SPEG: variants seen among roughly 807,000 people sequenced by gnomAD.
SPEG encodes striated muscle preferentially expressed protein kinase.
SPEG carries 114 observed loss-of-function variants against 300.4 expected under a neutral mutation model. The ratio of observed to expected loss-of-function variants is 0.38; its 90% CI spans 0.33 to 0.44. SPEG has a LOEUF of 0.44. Ranked by LOEUF, SPEG falls within the 20% of genes least tolerant of loss-of-function variation. The pLI, the probability that SPEG is intolerant of heterozygous loss-of-function variation, is 1.00. For synonymous variants in SPEG, 1,964 were observed against 2,018.9 expected (o/e 0.97, Z 0.73); for missense variants, 4,201 against 4,586.2 (o/e 0.92, Z 2.43).
In SPEG at chr2:219,490,382, GGTGGTGTCCCTCC is replaced by G. The variant is rs1693854509; in HGVS notation, c.8922-26_8922-14del. 1 of 1,599,596 alleles carries G rather than the reference GGTGGTGTCCCTCC, an allele frequency of 6.3e-7. No individual in the cohort carries two copies. The highest frequency in any genetic ancestry group is 8.5e-7 in the Non-Finnish European group (1 of 1,172,706). ...GTGTCCCCCTCCTCTCCTCTGAGCC[GGTGGTGTCCCTCC>G]CCCCGACACACAGGGGCCGCTTTGG... is the stretch of plus-strand genomic sequence containing the variant. On this transcript the variant is annotated splice_polypyrimidine_tract_variant and intron_variant, in intron 36 of 40. Transcript: ENST00000312358.
At position 219,464,299 on chromosome 2, in the gene SPEG, G is replaced by A. The variant is rs1344170921; in HGVS notation, c.2706-134G>A. ...AGCCCTGGAAACCAGGGATGCCCAC[G>A]GTCAGTGGGACAGATCTGGGGACTG... On this transcript the variant is annotated intron_variant, in intron 8 of 40. Coordinates refer to ENST00000312358, the MANE Select transcript of SPEG (RefSeq NM_005876.5). The surrounding 1 kb of genome is among the most constrained non-coding windows in gnomAD (Gnocchi z 4.5). 6 of 974,052 alleles carry A rather than the reference G, an allele frequency of 6.2e-6. No homozygotes were observed. The highest frequency in any genetic ancestry group is 1.6e-5 in the African/African-American group (1 of 60,994). 60.3% of individuals were successfully genotyped at this position (974,052 alleles called of 1,614,324 possible).
In SPEG at chr2:219,469,361, G is replaced by A. The variant is rs757414863; in HGVS notation, c.3697G>A (p.Asp1233Asn). The A allele has an allele frequency of 1.7e-5, 28 of 1,613,400 alleles. No homozygotes were observed. The highest frequency in any genetic ancestry group is 7.7e-5 in the South Asian group (7 of 91,042). Residue 1233 changes from aspartate (D) to asparagine (N), a missense_variant, in exon 13 of 41, where the codon GAC becomes AAC. This residue lies in a region of SPEG where 1,047 missense variants were observed against 1,356.8 expected (regional missense o/e 0.77). Coordinates refer to ENST00000312358, the MANE Select transcript of SPEG (RefSeq NM_005876.5). ...HNGHRIQSSDDRRMTQYRDVH... is the reference protein window; with the variant it reads ...HNGHRIQSSDNRRMTQYRDVH... ...TGGCCACCGCATCCAGAGCAGCGACGACCGGCGCATGACACAGTGTACGTG... is the reference window on the plus strand; with the variant it reads ...TGGCCACCGCATCCAGAGCAGCGACAACCGGCGCATGACACAGTGTACGTG...
Position 219,480,828 on chromosome 2 carries a change from T to C in SPEG, c.5369+131T>C, listed in dbSNP as rs1162514774. 3 of 873,782 alleles carry C rather than the reference T, an allele frequency of 3.4e-6. No individual in the cohort carries two copies. Among genetic ancestry groups the C allele is most frequent in the East Asian group, 5.0e-5 (2 of 40,170 alleles). The allele number at this position is 873,782 out of a possible 1,614,324, so 54.1% of individuals were successfully genotyped here. ...TGCACTGCAAGGAGCCTCATGTGCA[T>C]GAAGGTGGACACCCCTGTCTGCATG... On this transcript the variant is annotated intron_variant, in intron 26 of 40. Transcript: ENST00000312358. This position sits in a 1 kb window ranked among gnomAD's most constrained non-coding sequence, Gnocchi z 5.3.
chr2:219,483,722 C>T lies in SPEG; in HGVS notation c.6259C>T (p.Leu2087Phe), dbSNP rs1481137059. The change falls in exon 30 of 41, where the codon CTC (leucine) becomes TTC (phenylalanine). Residue 2087 changes from leucine to phenylalanine, a missense_variant. By Grantham distance (22) the Leu-to-Phe change is conservative (BLOSUM62 0). Coordinates refer to ENST00000312358, the MANE Select transcript of SPEG (RefSeq NM_005876.5). Reference protein sequence around the residue: ...GGPEDGKVSGLRGPLLESLGG... With the variant: ...GGPEDGKVSGFRGPLLESLGG... ...CCCCGAGGATGGCAAGGTCAGCGGC[C>T]TCAGGGGTCCCCTGCTGGAGAGCCT... 1 of 1,535,632 alleles carries T rather than the reference C, an allele frequency of 6.5e-7. No individual in the cohort carries two copies. The highest frequency in any genetic ancestry group is 8.7e-7 in the Non-Finnish European group (1 of 1,147,474).
At chr2:219,492,373 T>G in intron 40 of SPEG, 113 bp downstream of exon 40, 1 of 1,277,030 alleles carries the variant, frequency 7.8e-7, no homozygotes. Context: ...CTGCTTCTAC[T>G]AAATGGTCAT....
In SPEG at chr2:219,493,190, G is replaced by A. The variant is rs541026667; in HGVS notation, c.*404G>A. The A allele has an allele frequency of 2.5e-6, 1 of 396,624 alleles. No homozygotes were observed. Among genetic ancestry groups the A allele is most frequent in the Admixed American group, 3.4e-5 (1 of 29,646 alleles). 24.6% of individuals were successfully genotyped at this position (396,624 alleles called of 1,614,324 possible). A position where few individuals can be genotyped will look rare whatever the true frequency, so the allele number is the denominator to read the frequency against. ...GAGGAGGAAAAGGAAGGAGCCCCAGGTGTCAGGGCAGTAGGCTGGGAGTCA... is the reference window on the plus strand; with the variant it reads ...GAGGAGGAAAAGGAAGGAGCCCCAGATGTCAGGGCAGTAGGCTGGGAGTCA... On this transcript the variant is annotated 3_prime_UTR_variant, in exon 41 of 41. Transcript: ENST00000312358.
In SPEG at chr2:219,477,361, G is replaced by C. The variant is rs774499373; in HGVS notation, c.4645G>C (p.Ala1549Pro). 6.2e-7 allele frequency: 1 copy of C among 1,613,186 alleles called. No homozygotes were observed. The highest frequency in any genetic ancestry group is 1.7e-5 in the Admixed American group (1 of 59,876). The change falls in exon 20 of 41, where the codon GCC becomes CCC. Residue 1549 changes from alanine (A) to proline (P), a missense_variant. Around this residue, in one of 4 missense-constraint regions of SPEG, gnomAD observed 1,047 missense variants for 1,356.8 expected, o/e 0.77. Coordinates refer to ENST00000312358, the MANE Select transcript of SPEG (RefSeq NM_005876.5). This position sits in a 1 kb window ranked among gnomAD's most constrained non-coding sequence, Gnocchi z 6.4. ...ECSLVVLSTGAQDGGVYTCTA... is the reference protein window; with the variant it reads ...ECSLVVLSTGPQDGGVYTCTA... ...CTCCCTGGTGGTGCTCAGCACGGGG[G>C]CCCAGGATGGAGGCGTCTACACCTG...
At chr2:219,491,710 C>G in intron 38 of SPEG, 84 bp from the exon 39 acceptor site, 1 of 1,043,692 alleles carries the variant, frequency 9.6e-7, no homozygotes. Context: ...CATTGTCCTG[C>G]TGCTCAAGCA....
rs773971293 is a variant in SPEG, at chr2:219,479,104, A to C, written c.5028-40A>C. On this transcript the variant is annotated intron_variant, in intron 22 of 40. Coordinates refer to ENST00000312358, the MANE Select transcript of SPEG (RefSeq NM_005876.5). This position sits in a 1 kb window ranked among gnomAD's most constrained non-coding sequence, Gnocchi z 5.5. ...CCCTGAGCGCTGGGCTGGGCCGGGC[A>C]GTTGGCACTGGGCACTGTTCTCCTT... The C allele has an allele frequency of 2.5e-6, 4 of 1,597,774 alleles. No individual in the cohort carries two copies. The African/African-American group carries it at 5.4e-5, about 21-fold the overall frequency.
Position 219,436,175 on chromosome 2 carries a change from C to T in SPEG, c.388+810C>T, listed in dbSNP as rs187587513. Among the ~76,000 whole-genome samples the T allele has an allele frequency of 8.1e-4, 124 of 152,320 alleles. 1 individual carries two copies. The East Asian group carries it at 0.021, about 26-fold the overall frequency. ...ATGCTATGGACCAGTGCTTGTCCCC[C>T]GCCCATAGATTTCCAGGTGCAGTGT... On this transcript the variant is annotated intron_variant, in intron 1 of 40. Coordinates refer to ENST00000312358, the MANE Select transcript of SPEG (RefSeq NM_005876.5).
intron 30 of SPEG, 100 bp downstream of exon 30, chr2:219,485,172 G>A: frequency 6.7e-7 from 1 of 1,485,348 alleles, no homozygotes; most frequent in Non-Finnish European, 9.1e-7. Flanking sequence ...CCCACCAGGG[G>A]CAGGCTGAGG....
At chr2:219,466,074 G>A in intron 9 of SPEG, 1 of 1,602,426 alleles carries the variant, frequency 6.2e-7, no homozygotes, top group South Asian at 1.1e-5. Context: ...AGCTCAGGGG[G>A]CCACCTGTGC....
Position 219,473,845 on chromosome 2 carries a change from C to G in SPEG, c.4389C>G (p.Thr1463=). The change falls in exon 18 of 41, where the codon ACC becomes ACG. Residue 1463 remains threonine, a synonymous_variant. Coordinates refer to ENST00000312358, the MANE Select transcript of SPEG (RefSeq NM_005876.5). This position sits in a 1 kb window ranked among gnomAD's most constrained non-coding sequence, Gnocchi z 4.6. ...GCCGCCGGGACATGGGGGCCCTCAC[C>G]TGCACCGCCCGAAACCGTCACGGCA... The part of the protein sequence containing the change: ...RVSRRDMGAL[T]CTARNRHGTQ... 6.2e-7 allele frequency: 1 copy of G among 1,613,736 alleles called. No individual in the cohort carries two copies.
At chr2:219,463,947 C>T (rs1025281772) in intron 8 of SPEG, among the ~76,000 whole-genome samples, 1 of 151,840 alleles carries the variant, frequency 6.6e-6, no homozygotes, top group African/African-American at 2.4e-5. Flanking sequence ...CATGGTGAAA[C>T]CCTGTATCTA....
At chr2:219,478,238 C>T in intron 22 of SPEG, 133 bp downstream of exon 22, 1 of 762,536 alleles carries the variant, frequency 1.3e-6, no homozygotes, top group Non-Finnish European at 2.1e-6. Flanking sequence ...CATCTGGAGA[C>T]TTCTATGAAA....
intron 6 of SPEG, chr2:219,460,209 G>A (rs886772370): frequency 4.2e-6 from 3 of 716,146 alleles, no homozygotes; most frequent in Admixed American, 6.3e-5. Context: ...TCCATGGCAG[G>A]GATGAGGGGG....
rs762804568 is a variant in SPEG at position 219,462,035 on chromosome 2, C to G, written c.2594C>G (p.Ser865Cys). Residue 865 changes from serine to cysteine, a missense_variant, in exon 7 of 41, where the codon TCC (serine) becomes TGC (cysteine). By Grantham distance (112) the Ser-to-Cys change is moderately radical. Around this residue, in one of 4 missense-constraint regions of SPEG, gnomAD observed 1,258 missense variants for 1,293.9 expected, o/e 0.97. Coordinates refer to ENST00000312358, the MANE Select transcript of SPEG (RefSeq NM_005876.5). Reference sequence around the variant, plus strand: ...AACCGCCGTTCTTCTGACACTGGCTCCAAGGCACCCCCCACCTTCAAGGTC... The same window carrying G: ...AACCGCCGTTCTTCTGACACTGGCTGCAAGGCACCCCCCACCTTCAAGGTC... ...SQNRRSSDTG[S>C]KAPPTFKVSL... The G allele has an allele frequency of 4.4e-6, 7 of 1,607,424 alleles. No individual in the cohort carries two copies. Among genetic ancestry groups the G allele is most frequent in the African/African-American group, 1.3e-5 (1 of 74,438 alleles).
chr2:219,448,600 C>A lies in SPEG; in HGVS notation c.1442C>A (p.Thr481Lys). The A allele has an allele frequency of 6.9e-7, 1 of 1,459,444 alleles. No individual in the cohort carries two copies. Among genetic ancestry groups the A allele is most frequent in the South Asian group, 1.3e-5 (1 of 75,226 alleles). The allele number at this position is 1,459,444 out of a possible 1,614,324, so 90.4% of individuals were successfully genotyped here. The change falls in exon 4 of 41, where the codon ACG becomes AAG. Residue 481 changes from threonine to lysine, a missense_variant. By Grantham distance (78) the Thr-to-Lys change is moderately conservative (BLOSUM62 -1). This residue lies in a region of SPEG where 1,258 missense variants were observed against 1,293.9 expected (regional missense o/e 0.97). Transcript: ENST00000312358. Reference sequence around the variant, plus strand: ...AAAGCGGCCTCGCTGGACGAGCGCACGCGTCAGCGCAGCCCGGCCTCAGAC... The same window carrying A: ...AAAGCGGCCTCGCTGGACGAGCGCAAGCGTCAGCGCAGCCCGGCCTCAGAC... ...QQKAASLDER[T>K]RQRSPASDLE... is the part of the protein sequence containing the mutation.
chr2:219,491,442 C>G (rs1040346102), intron 38 of SPEG, among the ~76,000 whole-genome samples: 2 of 152,112 alleles, frequency 1.3e-5, no homozygotes, highest in African/African-American at 4.8e-5. Context: ...TTAGAGCCAG[C>G]CAGGCTGATT....
Sources: gnomAD v4.1 joint callset for allele counts (sites outside exome capture counted in the v4.1 genomes callset) on GRCh38, gnomAD v4.1.1 for gene constraint, gnomAD v4.1.1 regional missense constraint, Gnocchi (gnomAD v3.1) non-coding constraint, MANE v1.5 for transcripts, NCBI Gene and HGNC (gene_info 2026-07-23, HGNC 2026-07-21) for gene names.